The following ITGB3BP variants were observed in gnomAD, a reference collection of about 807,000 sequenced individuals.
ITGB3BP encodes integrin subunit beta 3 binding protein, also known as centromere protein R.
Under a neutral mutation model 29.1 loss-of-function variants are expected in ITGB3BP, and 27 were observed. The observed-to-expected ratio is 0.93, with a 90% CI of 0.68 to 1.28. ITGB3BP has a LOEUF of 1.28. Ranked by LOEUF, ITGB3BP falls within the 50% of genes most tolerant of loss-of-function variation. The pLI, the probability that ITGB3BP is intolerant of heterozygous loss-of-function variation, is 0.00. For synonymous variants in ITGB3BP, 61 were observed against 61.4 expected, an observed-to-expected ratio of 0.99 and a Z score of 0.03; for missense variants, 192 against 200.2, an observed-to-expected ratio of 0.96 and a Z score of 0.25.
chr1:63,442,978 C>T (rs997707855), intron 8 of ITGB3BP: 1 of 152,192 alleles, frequency 6.6e-6, no homozygotes, highest in Non-Finnish European at 1.5e-5. Context: ...TGGCTGTGGC[C>T]TCTGGGTTGC....
At chr1:63,521,533 A>C (rs1422407443) in intron 1 of ITGB3BP, among the ~76,000 whole-genome samples, 1 of 152,178 alleles carries the variant, frequency 6.6e-6, no homozygotes, top group Non-Finnish European at 1.5e-5. Context: ...GACAGTTGTC[A>C]AAAAGGTCCA....
chr1:63,478,970 C>T lies in ITGB3BP; in HGVS notation c.185-137G>A, dbSNP rs146711588. 204 of 377,952 alleles carry T rather than the reference C, an allele frequency of 5.4e-4. 2 individuals carry two copies. The East Asian group carries it at 8.1e-3, about 15-fold the overall frequency. 23.4% of individuals were successfully genotyped at this position (377,952 alleles called of 1,614,324 possible). A position where few individuals can be genotyped will look rare whatever the true frequency, so the allele number is the denominator to read the frequency against. On this transcript the variant is annotated intron_variant, in intron 3 of 8. Coordinates refer to ENST00000271002, the MANE Select transcript of ITGB3BP (RefSeq NM_014288.5). ...GGGAGGTGGGCAAAGAAAAAGTATCCTATTTTGTTTTTTTTCATTTCCCAT... is the reference window on the plus strand; with the variant it reads ...GGGAGGTGGGCAAAGAAAAAGTATCTTATTTTGTTTTTTTTCATTTCCCAT...
intron 2 of ITGB3BP, among the ~76,000 whole-genome samples, chr1:63,500,144 C>CT (rs1185967475): frequency 2.0e-5 from 3 of 152,132 alleles, no homozygotes; most frequent in African/African-American, 4.8e-5. Context: ...TTGGGAGGCC[C>CT]AGACGGGCGG....
At chr1:63,522,539 T>C (rs970132227) in intron 1 of ITGB3BP, among the ~76,000 whole-genome samples, 6 of 152,206 alleles carry the variant, frequency 3.9e-5, no homozygotes, top group African/African-American at 1.4e-4. Context: ...CAGATGAATC[T>C]TATCTAGCAC....
chr1:63,524,135 G>A (rs1273325129), upstream of ITGB3BP, among the ~76,000 whole-genome samples: 1 of 152,186 alleles, frequency 6.6e-6, no homozygotes, highest in Admixed American at 6.5e-5. Flanking sequence ...GGATTTCCAT[G>A]TGAGGGAGTT....
intron 4 of ITGB3BP, among the ~76,000 whole-genome samples, chr1:63,473,573 G>A (rs1229579522): frequency 7.2e-6 from 1 of 139,764 alleles, no homozygotes; most frequent in East Asian, 2.3e-4. Flanking sequence ...GGGGGGAGGG[G>A]GGGTCAGCCC....
intron 7 of ITGB3BP, chr1:63,447,187 ATGTC>A: frequency 3.7e-6 from 1 of 273,972 alleles, no homozygotes; most frequent in Non-Finnish European, 7.0e-6. Context: ...GGGCAGGACT[ATGTC>A]TGCCTTGTTT....
chr1:63,472,739 G>A (rs1245982237), intron 4 of ITGB3BP, among the ~76,000 whole-genome samples: 2 of 151,630 alleles, frequency 1.3e-5, no homozygotes, highest in African/African-American at 4.8e-5. Flanking sequence ...GGCCTCCCGA[G>A]GCGCCGGGAT....
chr1:63,461,584 G>A (rs945146875), intron 4 of ITGB3BP, among the ~76,000 whole-genome samples: 14 of 152,244 alleles, frequency 9.2e-5, no homozygotes, highest in African/African-American at 2.9e-4. Context: ...CTCTAAGATA[G>A]TTATAAATGG....
chr1:63,502,090 T>C (rs1645944857), intron 2 of ITGB3BP, among the ~76,000 whole-genome samples: 1 of 152,170 alleles, frequency 6.6e-6, no homozygotes, highest in Non-Finnish European at 1.5e-5. Context: ...GCTTGGTATA[T>C]GGCCAGGTAG....
intron 2 of ITGB3BP, among the ~76,000 whole-genome samples, chr1:63,496,161 C>A (rs886351016): frequency 5.9e-5 from 9 of 151,402 alleles, no homozygotes; most frequent in Non-Finnish European, 8.8e-5. Context: ...GGTGCGATCA[C>A]GGCTCACTGC....
At chr1:63,458,605 G>C (rs936875170) in intron 4 of ITGB3BP, among the ~76,000 whole-genome samples, 5 of 152,118 alleles carry the variant, frequency 3.3e-5, no homozygotes, top group East Asian at 1.9e-4. Flanking sequence ...TGGAAGAAGA[G>C]TGAAACCCTG....
chr1:63,503,531 C>T (rs1282247121), intron 2 of ITGB3BP, among the ~76,000 whole-genome samples: 2 of 152,176 alleles, frequency 1.3e-5, no homozygotes, highest in African/African-American at 4.8e-5. Context: ...TCCCATTTGT[C>T]AATTTTGTCT....
At chr1:63,502,631 A>G (rs1349996115) in intron 2 of ITGB3BP, among the ~76,000 whole-genome samples, 1 of 151,312 alleles carries the variant, frequency 6.6e-6, no homozygotes, top group Non-Finnish European at 1.5e-5. Flanking sequence ...GTCATTTAAC[A>G]TTAGGTATAT....
upstream of ITGB3BP, among the ~76,000 whole-genome samples, chr1:63,526,582 T>G (rs569088128): frequency 2.2e-4 from 34 of 152,356 alleles, no homozygotes; most frequent in Non-Finnish European, 4.6e-4. Flanking sequence ...AGATTAAAAT[T>G]TATTTGATGT....
At chr1:63,492,799 A>AAAAG (rs149986487) in intron 2 of ITGB3BP, among the ~76,000 whole-genome samples, 2 of 152,004 alleles carry the variant, frequency 1.3e-5, no homozygotes, top group African/African-American at 4.8e-5. Context: ...ACAAAAAACA[A>AAAAG]AAAGAAAGAA....
Position 63,523,110 on chromosome 1 carries a change from C to A in ITGB3BP, c.5+19G>T, listed in dbSNP as rs1362487941. ...CAGAGGGCCCCCAAAACAGCAATAC[C>A]TGGGGAGGAGATACCTACGGCATTC... On this transcript the variant is annotated intron_variant, in intron 1 of 8. Coordinates refer to ENST00000271002, the MANE Select transcript of ITGB3BP (RefSeq NM_014288.5). 12 of 1,613,920 alleles carry A rather than the reference C, an allele frequency of 7.4e-6. No homozygotes were observed. The highest frequency in any genetic ancestry group is 2.7e-5 in the African/African-American group (2 of 74,908).
At chr1:63,469,887 C>T (rs977365548) in intron 4 of ITGB3BP, among the ~76,000 whole-genome samples, 9 of 152,166 alleles carry the variant, frequency 5.9e-5, no homozygotes, top group Non-Finnish European at 8.8e-5. Flanking sequence ...TCATGATGGC[C>T]GTAACGCCCA....
At chr1:63,508,713 G>A (rs990412098) in intron 1 of ITGB3BP, 143 bp from the exon 2 acceptor site, 4 of 476,470 alleles carry the variant, frequency 8.4e-6, no homozygotes, top group Non-Finnish European at 1.5e-5. Context: ...AATACCATAT[G>A]AAGAAAGCAA....
Sources: allele counts gnomAD v4.1 joint callset (sites outside exome capture counted in the v4.1 genomes callset), GRCh38; gene constraint gnomAD v4.1.1; transcripts MANE v1.5; gene names NCBI Gene and HGNC (gene_info 2026-07-23, HGNC 2026-07-21).